FDFT1: variants seen among roughly 807,000 people sequenced by gnomAD.
FDFT1 encodes farnesyl-diphosphate farnesyltransferase 1.
A neutral mutation model predicts 46.8 loss-of-function variants in FDFT1; 68 were observed. That is an observed-to-expected ratio of 1.45 (90% CI 1.19 to 1.78). The LOEUF (loss-of-function observed/expected upper bound fraction) is 1.78. Among genes scored for constraint, FDFT1 ranks in the 40% most tolerant of loss-of-function variants. FDFT1 has a pLI of 0.00. For missense variants in FDFT1, 928 were observed against 524.4 expected (o/e 1.77, Z -7.52); for synonymous variants, 351 against 185.1 (o/e 1.90, Z -7.28).
At chr8:11,811,370 C>T (rs555069630) in intron 3 of FDFT1, among the ~76,000 whole-genome samples, 2 of 152,112 alleles carry the variant, frequency 1.3e-5, no homozygotes, top group African/African-American at 4.8e-5. Context: ...CTAGAAACAG[C>T]CAAATTACAT....
At chr8:11,836,339 A>G (rs1244243020) in intron 7 of FDFT1, among the ~76,000 whole-genome samples, 1 of 152,166 alleles carries the variant, frequency 6.6e-6, no homozygotes, top group Non-Finnish European at 1.5e-5. Flanking sequence ...CCACTGCTGT[A>G]GCAACCAGTT....
chr8:11,808,822 G>C lies in FDFT1; in HGVS notation c.128G>C (p.Cys43Ser). The C allele has an allele frequency of 6.2e-7, 1 of 1,613,966 alleles. No individual in the cohort carries two copies. The highest frequency in any genetic ancestry group is 8.5e-7 in the Non-Finnish European group (1 of 1,179,984). Residue 43 changes from cysteine (C) to serine (S), a missense_variant, in exon 2 of 8, where the codon TGC (cysteine) becomes TCC (serine). Transcript: ENST00000220584. ...TCGCTCAGCAGCAGCCTGAAAACTT[G>C]CTACAAGTATCTCAATCAGACCAGT... ...QDSLSSSLKT[C>S]YKYLNQTSRS...
At chr8:11,825,889 T>C (rs1809903481) in intron 4 of FDFT1, 135 bp from the exon 5 acceptor site, 1 of 495,916 alleles carries the variant, frequency 2.0e-6, no homozygotes, top group Non-Finnish European at 3.6e-6. Context: ...CTGGTATGTA[T>C]ATTTGTATTT....
At chr8:11,805,512 G>C (rs527250744) in intron 1 of FDFT1, among the ~76,000 whole-genome samples, 2 of 152,278 alleles carry the variant, frequency 1.3e-5, no homozygotes, top group Admixed American at 1.3e-4. Context: ...TATTAAGTCC[G>C]ATTTCTGACG....
chr8:11,833,029 A>T (rs1258459405), intron 7 of FDFT1, among the ~76,000 whole-genome samples: 2 of 152,018 alleles, frequency 1.3e-5, no homozygotes, highest in Non-Finnish European at 2.9e-5. Flanking sequence ...CTTCCTCCCT[A>T]CCTTTATCTG....
intron 5 of FDFT1, among the ~76,000 whole-genome samples, chr8:11,826,995 G>C (rs1413733387): frequency 6.6e-6 from 1 of 152,214 alleles, no homozygotes; most frequent in East Asian, 1.9e-4. Flanking sequence ...AAAAACTCCA[G>C]GTGTCTGTAA....
chr8:11,828,119 TA>T (rs1194065235), intron 5 of FDFT1, among the ~76,000 whole-genome samples: 96 of 146,256 alleles, frequency 6.6e-4, no homozygotes, highest in Non-Finnish European at 7.4e-4. Context: ...AGACTCCATT[TA>T]AAAAAAAAAA....
intron 3 of FDFT1, among the ~76,000 whole-genome samples, chr8:11,811,149 T>A (rs1269888802): frequency 6.6e-6 from 1 of 152,140 alleles, no homozygotes; most frequent in Non-Finnish European, 1.5e-5. Context: ...GGGTGAGAAT[T>A]AGAACTGTAA....
chr8:11,808,976 C>T (rs565045945), intron 2 of FDFT1, 85 bp downstream of exon 2: 26 of 1,539,492 alleles, frequency 1.7e-5, no homozygotes, highest in Non-Finnish European at 2.2e-5. Flanking sequence ...TTTGATATAG[C>T]GCTCAGCGTT....
chr8:11,801,988 C>A (rs1351754807), upstream of FDFT1: 2 of 455,938 alleles, frequency 4.4e-6, no homozygotes, highest in Admixed American at 4.7e-5. Context: ...CACGCCTGGA[C>A]GGGTAGCCAG....
At chr8:11,803,418 T>G in intron 1 of FDFT1, 2 of 1,288,644 alleles carry the variant, frequency 1.6e-6, no homozygotes, top group South Asian at 1.2e-5. Context: ...CTTCCATCGC[T>G]TCATCCTCGG....
At chr8:11,828,517 C>T (rs1457485023) in intron 5 of FDFT1, among the ~76,000 whole-genome samples, 1 of 152,222 alleles carries the variant, frequency 6.6e-6, no homozygotes, top group African/African-American at 2.4e-5. Flanking sequence ...GGCTCCTAGG[C>T]CAGCCCCTGA....
chr8:11,805,396 C>T (rs967397230), intron 1 of FDFT1, among the ~76,000 whole-genome samples: 2 of 152,194 alleles, frequency 1.3e-5, no homozygotes, highest in African/African-American at 4.8e-5. Flanking sequence ...TGTGTGGCAT[C>T]ACCCAAAAGC....
rs539376566 is a variant in FDFT1 at position 11,812,932 on chromosome 8, G to T, written c.381+3082G>T. On this transcript the variant is annotated intron_variant, in intron 3 of 7. Coordinates refer to ENST00000220584, the MANE Select transcript of FDFT1 (RefSeq NM_004462.5). The stretch of plus-strand genomic sequence containing the variant: ...GGCCACAGGATACATTCTGAGAAAC[G>T]CATTGATAGATGATTTCATCATTCT... Among the ~76,000 whole-genome samples the T allele has an allele frequency of 3.3e-5, 5 of 152,162 alleles. No homozygotes were observed. The South Asian group carries it at 1.0e-3, about 32-fold the overall frequency.
chr8:11,824,774 C>T (rs767118374), intron 4 of FDFT1, among the ~76,000 whole-genome samples: 13 of 151,994 alleles, frequency 8.6e-5, no homozygotes, highest in African/African-American at 2.4e-4. Context: ...CTCACTCTGT[C>T]GCCCAGGCTG....
At chr8:11,820,451 C>T (rs1453800925) in intron 3 of FDFT1, among the ~76,000 whole-genome samples, 1 of 150,680 alleles carries the variant, frequency 6.6e-6, no homozygotes, top group African/African-American at 2.4e-5. Flanking sequence ...GCCCTGCCCC[C>T]AGAGATGCAA....
chr8:11,833,012 T>G (rs1298959706), intron 7 of FDFT1, among the ~76,000 whole-genome samples: 1 of 152,194 alleles, frequency 6.6e-6, no homozygotes, highest in Admixed American at 6.5e-5. Flanking sequence ...TGCACATTCT[T>G]CTTATACTTC....
chr8:11,806,658 G>T (rs936753652), intron 1 of FDFT1, among the ~76,000 whole-genome samples: 17 of 152,100 alleles, frequency 1.1e-4, no homozygotes, highest in African/African-American at 4.1e-4. Context: ...ATGACATTTG[G>T]CAGTGCAGTT....
At chr8:11,802,512 C>T (rs985177747), upstream of FDFT1, 10 of 516,194 alleles carry the variant, frequency 1.9e-5, no homozygotes, top group African/African-American at 1.3e-4. Flanking sequence ...CGCTCGTCGG[C>T]CTCTTTCTCG....
Sources: allele counts gnomAD v4.1 joint callset (sites outside exome capture counted in the v4.1 genomes callset), GRCh38; gene constraint gnomAD v4.1.1; transcripts MANE v1.5; gene names NCBI Gene and HGNC (gene_info 2026-07-23, HGNC 2026-07-21).